ELP4: variants seen among roughly 807,000 people sequenced by gnomAD.
ELP4 encodes the protein elongator complex protein 4.
Under a neutral mutation model 48.9 loss-of-function variants are expected in ELP4, and 51 were observed. The ratio of observed to expected loss-of-function variants is 1.04; its 90% CI spans 0.83 to 1.32. The LOEUF (loss-of-function observed/expected upper bound fraction) is 1.32, where lower values mean the gene tolerates loss of function less well. Ranked by LOEUF, ELP4 falls within the 40% of genes most tolerant of loss-of-function variation. The pLI is 0.00. For synonymous variants in ELP4, 210 were observed against 189.2 expected (o/e 1.11, Z -0.90); for missense variants, 519 against 514.6 (o/e 1.01, Z -0.08).
At chr11:31,575,751 G>A (rs75823942) in intron 3 of ELP4, among the ~76,000 whole-genome samples, 4,037 of 152,244 alleles carry the variant, frequency 0.027, 169 homozygotes, top group African/African-American at 0.092. Context: ...GAGAGATTTC[G>A]TTACCACCAG....
At chr11:31,518,607 GT>G (rs1460980821) in intron 1 of ELP4, among the ~76,000 whole-genome samples, 5 of 148,566 alleles carry the variant, frequency 3.4e-5, no homozygotes, top group African/African-American at 1.2e-4. Flanking sequence ...AAAAATTCTC[GT>G]GTCTCAGGCT....
At chr11:31,663,559 T>C (rs945903000) in intron 9 of ELP4, 1 of 152,026 alleles carries the variant, frequency 6.6e-6, no homozygotes, top group South Asian at 2.1e-4. Flanking sequence ...ATATATTGAT[T>C]TTATTAGCAG....
chr11:31,756,197 G>T (rs1947829377), intron 9 of ELP4, among the ~76,000 whole-genome samples: 1 of 152,080 alleles, frequency 6.6e-6, no homozygotes, highest in Admixed American at 6.5e-5. Context: ...GTGTTGCCCA[G>T]CCTGTTATTC....
At chr11:31,543,888 CAAAAT>C in intron 3 of ELP4, among the ~76,000 whole-genome samples, 1 of 151,726 alleles carries the variant, frequency 6.6e-6, no homozygotes, top group Middle Eastern at 3.4e-3. Context: ...TTTATGAAAA[CAAAAT>C]AAAGACTTTC....
chr11:31,650,433 G>T (rs1192861851), intron 9 of ELP4: 4 of 375,138 alleles, frequency 1.1e-5, no homozygotes, highest in Non-Finnish European at 1.9e-5. Flanking sequence ...TGGCAAAGAT[G>T]ATTTTCTTTT....
intron 9 of ELP4, among the ~76,000 whole-genome samples, chr11:31,672,903 T>TAA (rs1945837940): frequency 6.6e-6 from 1 of 152,150 alleles, no homozygotes; most frequent in Non-Finnish European, 1.5e-5. Flanking sequence ...AAGTTGATGA[T>TAA]ATTCTAAGTT....
intron 5 of ELP4, among the ~76,000 whole-genome samples, chr11:31,615,026 T>C (rs760582575): frequency 5.9e-5 from 9 of 152,110 alleles, no homozygotes; most frequent in Non-Finnish European, 1.3e-4. Context: ...CTTTTACCAG[T>C]ATGCCAGGTC....
chr11:31,585,279 G>A (rs1957454280), intron 3 of ELP4, among the ~76,000 whole-genome samples: 1 of 152,002 alleles, frequency 6.6e-6, no homozygotes. Flanking sequence ...TTAAACAAAT[G>A]TTTCACAATG....
intron 9 of ELP4, among the ~76,000 whole-genome samples, chr11:31,659,571 T>G (rs1945510037): frequency 6.6e-6 from 1 of 152,166 alleles, no homozygotes; most frequent in African/African-American, 2.4e-5. Flanking sequence ...ATAAATGATA[T>G]TTGGAATGTA....
At chr11:31,694,792 G>A (rs1215090368) in intron 9 of ELP4, among the ~76,000 whole-genome samples, 1 of 152,158 alleles carries the variant, frequency 6.6e-6, no homozygotes, top group Admixed American at 6.5e-5. Context: ...CTATCCATGA[G>A]CATGGAATAT....
At chr11:31,767,935 T>A (rs1385148414) in intron 9 of ELP4, 4 of 152,096 alleles carry the variant, frequency 2.6e-5, no homozygotes, top group African/African-American at 9.7e-5. Flanking sequence ...CCTTTTCAAA[T>A]TGGTGAGGAG....
intron 3 of ELP4, among the ~76,000 whole-genome samples, chr11:31,555,346 C>T (rs559162286): frequency 1.5e-3 from 227 of 152,182 alleles, no homozygotes; most frequent in Admixed American, 6.0e-3. Context: ...TCATATTTCA[C>T]ACTGCTCTAA....
At chr11:31,643,038 C>T (rs1945130057) in intron 7 of ELP4, among the ~76,000 whole-genome samples, 1 of 151,742 alleles carries the variant, frequency 6.6e-6, no homozygotes, top group Non-Finnish European at 1.5e-5. Context: ...TTCATGTTCT[C>T]TGCATATCAT....
At chr11:31,562,480 C>T (rs1354963169) in intron 3 of ELP4, among the ~76,000 whole-genome samples, 1 of 152,124 alleles carries the variant, frequency 6.6e-6, no homozygotes, top group Non-Finnish European at 1.5e-5. Context: ...ATTGAGAACA[C>T]TGTCCTTATC....
intron 9 of ELP4, among the ~76,000 whole-genome samples, chr11:31,735,323 A>C (rs2134208577): frequency 6.6e-6 from 1 of 152,196 alleles, no homozygotes; most frequent in Non-Finnish European, 1.5e-5. Flanking sequence ...TTGATCTTGG[A>C]TATGACGTGA....
chr11:31,685,590 CAT>C (rs1287818709), intron 9 of ELP4, among the ~76,000 whole-genome samples: 16 of 152,042 alleles, frequency 1.1e-4, no homozygotes, highest in African/African-American at 3.6e-4. Flanking sequence ...TTAGTGAAGA[CAT>C]ATGAAATGCA....
At chr11:31,627,493 C>A (rs2134038395) in intron 6 of ELP4, among the ~76,000 whole-genome samples, 1 of 152,144 alleles carries the variant, frequency 6.6e-6, no homozygotes, top group East Asian at 1.9e-4. Context: ...TTGAGAATTA[C>A]TTTTAAATCT....
At chr11:31,638,462 CT>C (rs1429510528) in intron 7 of ELP4, among the ~76,000 whole-genome samples, 1 of 151,732 alleles carries the variant, frequency 6.6e-6, no homozygotes, top group South Asian at 2.1e-4. Flanking sequence ...ATAATTTGAT[CT>C]GTAGAATTTT....
At chr11:31,777,704 T>G (rs953360329) in intron 9 of ELP4, among the ~76,000 whole-genome samples, 1 of 152,218 alleles carries the variant, frequency 6.6e-6, no homozygotes, top group African/African-American at 2.4e-5. Flanking sequence ...CCTGGCCTCT[T>G]TCTTCTCACA....
Sources: gnomAD v4.1 joint callset for allele counts (sites outside exome capture counted in the v4.1 genomes callset) on GRCh38, gnomAD v4.1.1 for gene constraint, MANE v1.5 for transcripts, NCBI Gene and HGNC (gene_info 2026-07-23, HGNC 2026-07-21) for gene names.